CUX1: variants seen among roughly 807,000 people sequenced by gnomAD.
CUX1 encodes cut like homeobox 1, also known as protein CASP.
A neutral mutation model predicts 158.8 loss-of-function variants in CUX1; 31 were observed. That is an observed-to-expected ratio of 0.20 (90% CI 0.15 to 0.26). CUX1 has a LOEUF of 0.26. Ranked by LOEUF, CUX1 falls within the 10% of genes least tolerant of loss-of-function variation. The pLI, the probability that CUX1 is intolerant of heterozygous loss-of-function variation, is 1.00. For missense variants in CUX1, 1,589 were observed against 2,014.6 expected (o/e 0.79, Z 4.04); for synonymous variants, 879 against 862.1 (o/e 1.02, Z -0.34).
chr7:102,042,310 G>C (rs1056595698), intron 3 of CUX1, among the ~76,000 whole-genome samples: 2 of 152,046 alleles, frequency 1.3e-5, no homozygotes, highest in African/African-American at 4.8e-5. Context: ...TGGAACCTTA[G>C]AATCTGTCAT....
At chr7:102,259,754 AAAAG>A (rs1284805935), downstream of CUX1, among the ~76,000 whole-genome samples, 13 of 32,888 alleles carry the variant, frequency 4.0e-4, no homozygotes, top group African/African-American at 5.4e-4. Flanking sequence ...AAAAAAAAAA[AAAAG>A]AAAGAAAAGA....
intron 1 of CUX1, among the ~76,000 whole-genome samples, chr7:101,828,388 G>C (rs1793625340): frequency 6.6e-6 from 1 of 152,124 alleles, no homozygotes. Flanking sequence ...GTGGCACATA[G>C]AACACAAAAA....
At chr7:101,877,756 T>TTG (rs112494807) in intron 1 of CUX1, among the ~76,000 whole-genome samples, 4,204 of 148,804 alleles carry the variant, frequency 0.028, 56 homozygotes, top group Non-Finnish European at 0.04. Context: ...ATCCCTCCAA[T>TTG]TGTGTGTGTG....
intron 20 of CUX1, among the ~76,000 whole-genome samples, chr7:102,209,427 C>T (rs1224781935): frequency 6.6e-6 from 1 of 152,120 alleles, no homozygotes; most frequent in Non-Finnish European, 1.5e-5. Context: ...CTGTTGAGGC[C>T]TTGAAAAGGC....
chr7:102,216,429 G>A (rs1226565830), intron 20 of CUX1, among the ~76,000 whole-genome samples: 16 of 152,030 alleles, frequency 1.1e-4, no homozygotes, highest in Admixed American at 1.0e-3. Context: ...ACACCGGCCA[G>A]AGAGCATGAC....
chr7:102,268,931 GATTA>G (rs1206516977), intron 14 of CUX1, among the ~76,000 whole-genome samples: 2 of 130,952 alleles, frequency 1.5e-5, no homozygotes, highest in Non-Finnish European at 3.1e-5. Flanking sequence ...CAACACTGGG[GATTA>G]ATTACTTTTT....
intron 2 of CUX1, among the ~76,000 whole-genome samples, chr7:102,017,517 CG>C (rs1193381582): frequency 6.6e-6 from 1 of 152,102 alleles, no homozygotes. Context: ...ATTCACTGCT[CG>C]TAGTTAATGC....
intron 10 of CUX1, among the ~76,000 whole-genome samples, chr7:102,177,380 C>G (rs1446965903): frequency 6.7e-6 from 1 of 150,232 alleles, no homozygotes; most frequent in Non-Finnish European, 1.5e-5. Flanking sequence ...CGCCACTGCA[C>G]TCCAGCCTGG....
chr7:102,041,378 C>T (rs1471252895), intron 3 of CUX1, among the ~76,000 whole-genome samples: 1 of 148,190 alleles, frequency 6.7e-6, no homozygotes, highest in East Asian at 2.0e-4. Flanking sequence ...CCTTAGCCTC[C>T]TGAGTAGCTG....
In CUX1 at chr7:101,936,487, C is replaced by A. The variant is rs937179083; in HGVS notation, c.141+20262C>A. Among the ~76,000 whole-genome samples the A allele has an allele frequency of 2.0e-5, 3 of 152,132 alleles. No homozygotes were observed. In the South Asian group the frequency reaches 6.2e-4, roughly 32 times the overall value. On this transcript the variant is annotated intron_variant, in intron 2 of 23. Transcript: ENST00000292535. Reference sequence around the variant, plus strand: ...AGGAGGGAACTCAGGGAGATGGGAACCCCGGGGAGGAAGTTAGGGCAGGAT... The same window carrying A: ...AGGAGGGAACTCAGGGAGATGGGAAACCCGGGGAGGAAGTTAGGGCAGGAT...
At chr7:102,188,198 CTT>C (rs1396054266) in intron 11 of CUX1, among the ~76,000 whole-genome samples, 1 of 134,688 alleles carries the variant, frequency 7.4e-6, no homozygotes, top group Non-Finnish European at 1.7e-5. Context: ...GATCCTGTCT[CTT>C]TTTTAAAAAA....
Position 102,251,313 on chromosome 7 carries a change from A to G in CUX1, c.*2271A>G. The stretch of plus-strand genomic sequence containing the variant: ...CTGTTCCACCTCCGTGTGCTTGTTA[A>G]TTAACTTGTAGGACTTTGACTGTAA... On this transcript the variant is annotated 3_prime_UTR_variant, in exon 24 of 24. Transcript: ENST00000292535. The G allele has an allele frequency of 1.0e-6, 1 of 985,176 alleles. No individual in the cohort carries two copies. Among genetic ancestry groups the G allele is most frequent in the Non-Finnish European group, 1.2e-6 (1 of 829,894 alleles). 61.0% of individuals were successfully genotyped at this position (985,176 alleles called of 1,614,324 possible). A position where few individuals can be genotyped will look rare whatever the true frequency, so the allele number is the denominator to read the frequency against.
At chr7:101,836,678 C>G (rs1315498499) in intron 1 of CUX1, among the ~76,000 whole-genome samples, 11 of 125,188 alleles carry the variant, frequency 8.8e-5, no homozygotes, top group African/African-American at 3.2e-4. Flanking sequence ...CAGCGAGACT[C>G]CTTCTCAAAA....
Position 102,254,887 on chromosome 7 carries a change from A to G in CUX1, c.*5845A>G, listed in dbSNP as rs1554541504. The G allele has an allele frequency of 3.0e-6, 3 of 985,312 alleles. No homozygotes were observed. Among genetic ancestry groups the G allele is most frequent in the African/African-American group, 1.7e-5 (1 of 57,224 alleles). The allele number at this position is 985,312 out of a possible 1,614,324, so 61.0% of individuals were successfully genotyped here. On this transcript the variant is annotated 3_prime_UTR_variant, in exon 24 of 24. Coordinates refer to ENST00000292535, the MANE Select transcript of CUX1 (RefSeq NM_181552.4). ...TTATTTCTATTTCGATCAGGTTTTG[A>G]CTTTTTGTAGATGAAAACTACCAGG... is the stretch of plus-strand genomic sequence containing the variant.
chr7:102,136,727 G>A (rs559650059), intron 8 of CUX1, among the ~76,000 whole-genome samples: 6 of 152,256 alleles, frequency 3.9e-5, no homozygotes, highest in Non-Finnish European at 8.8e-5. Flanking sequence ...GGAGAGAAAT[G>A]TATGTTTCTT....
At position 102,021,614 on chromosome 7, in the gene CUX1, CTTTTTTT is replaced by C. The variant is rs67147187; in HGVS notation, c.142-6468_142-6462del. 3.9e-3 allele frequency among the ~76,000 whole-genome samples: 421 copies of C among 109,344 alleles called. 1 individual carries two copies. The highest frequency in any genetic ancestry group is 9.6e-3 in the African/African-American group (309 of 32,088). 71.7% of individuals were successfully genotyped at this position (109,344 alleles called of 152,430 possible). A position where few individuals can be genotyped will look rare whatever the true frequency, so the allele number is the denominator to read the frequency against. ...TGAGCTACCAGATACTTTTTTTTCT[CTTTTTTT>C]TTTTTTTTTTTTTTTGGATGGAGTT... On this transcript the variant is annotated intron_variant, in intron 2 of 23. Transcript: ENST00000292535.
At chr7:102,194,166 G>C (rs1794560441) in intron 13 of CUX1, 2 of 464,082 alleles carry the variant, frequency 4.3e-6, no homozygotes, top group Non-Finnish European at 7.7e-6. Context: ...TAGGAGATGG[G>C]CACTACCAAA....
Position 102,249,660 on chromosome 7 carries a change from T to TA in CUX1, c.*621dup. On this transcript the variant is annotated 3_prime_UTR_variant, in exon 24 of 24. Transcript: ENST00000292535. ...GAGCGATAATACACTATTATCTTCT[T>TA]AAACCAGGAAAAAATAAAAGGGGGG... The TA allele has an allele frequency of 4.2e-6, 4 of 951,452 alleles. No individual in the cohort carries two copies. Among genetic ancestry groups the TA allele is most frequent in the Non-Finnish European group, 5.0e-6 (4 of 802,274 alleles). 58.9% of individuals were successfully genotyped at this position (951,452 alleles called of 1,614,324 possible). A position where few individuals can be genotyped will look rare whatever the true frequency, so the allele number is the denominator to read the frequency against.
intron 2 of CUX1, among the ~76,000 whole-genome samples, chr7:102,012,468 G>C (rs566567553): frequency 1.3e-5 from 2 of 152,190 alleles, no homozygotes; most frequent in South Asian, 2.1e-4. Context: ...GATTATAAGC[G>C]TGAGCCACTG....
Sources: gnomAD v4.1 joint callset for allele counts (sites outside exome capture counted in the v4.1 genomes callset) on GRCh38, gnomAD v4.1.1 for gene constraint, MANE v1.5 for transcripts, NCBI Gene and HGNC (gene_info 2026-07-23, HGNC 2026-07-21) for gene names.